VPS39: variants seen among roughly 807,000 people sequenced by gnomAD.
The protein encoded by VPS39 is vam6/Vps39-like protein.
VPS39 carries 70 observed loss-of-function variants against 121.0 expected under a neutral mutation model. That is an observed-to-expected ratio of 0.58 (90% confidence interval 0.48 to 0.71). VPS39 has a LOEUF of 0.71. Among genes scored for constraint, VPS39 ranks in the 30% least tolerant of loss-of-function variants. The pLI, the probability that VPS39 is intolerant of heterozygous loss-of-function variation, is 0.00. For synonymous variants in VPS39, 378 were observed against 398.1 expected, an observed-to-expected ratio of 0.95 and a Z score of 0.60; for missense variants, 818 against 1,051.5, an observed-to-expected ratio of 0.78 and a Z score of 3.07.
chr15:42,208,211 G>A lies in VPS39; in HGVS notation c.-58C>T. 1 of 1,550,148 alleles carries A rather than the reference G, an allele frequency of 6.5e-7. No homozygotes were observed. The highest frequency in any genetic ancestry group is 1.2e-5 in the South Asian group (1 of 84,120). The stretch of plus-strand genomic sequence containing the variant: ...GCCCAGAGTGTTCCGGGCCGGGCTG[G>A]GGTCCGGAACGAGTCTGGGCTAAGG... On this transcript the variant is annotated 5_prime_UTR_variant, in exon 1 of 25. Coordinates refer to ENST00000318006, the MANE Select transcript of VPS39 (RefSeq NM_015289.5).
rs1197896262 is a variant in VPS39, at chr15:42,174,316, T to TA, written c.961-465dup. On this transcript the variant is annotated intron_variant, in intron 10 of 24. Transcript: ENST00000318006. ...TGGTATCCACCTTGCAGCCTGCCCT[T>TA]ACAGTCTAACTGTAAGACTGCTAAG... Among the ~76,000 whole-genome samples, 3 of 152,270 alleles carry TA rather than the reference T, an allele frequency of 2.0e-5. No homozygotes were observed. The South Asian group carries it at 6.2e-4, about 32-fold the overall frequency.
intron 24 of VPS39, chr15:42,161,417 A>T (rs756464666): frequency 3.3e-5 from 18 of 541,040 alleles, no homozygotes; most frequent in Non-Finnish European, 5.7e-5. Context: ...CCACTATATC[A>T]GGTTCTAGCT....
Position 42,175,189 on chromosome 15 carries a change from G to A in VPS39, c.961-1337C>T, listed in dbSNP as rs977356291. Among the ~76,000 whole-genome samples, 43 of 151,952 alleles carry A rather than the reference G, an allele frequency of 2.8e-4. 1 individual carries two copies. Among genetic ancestry groups the A allele is most frequent in the African/African-American group, 1.0e-3 (42 of 41,378 alleles). Reference sequence around the variant, plus strand: ...AGAACTTTGGGAGGCTGAAGCGGGCGGATCATGAGGTCAGGAAAGACCATC... The same window carrying A: ...AGAACTTTGGGAGGCTGAAGCGGGCAGATCATGAGGTCAGGAAAGACCATC... On this transcript the variant is annotated intron_variant, in intron 10 of 24. Coordinates refer to ENST00000318006, the MANE Select transcript of VPS39 (RefSeq NM_015289.5).
intron 10 of VPS39, among the ~76,000 whole-genome samples, chr15:42,177,363 C>T (rs2049475794): frequency 1.3e-5 from 2 of 152,002 alleles, no homozygotes; most frequent in Non-Finnish European, 1.5e-5. Flanking sequence ...AACATTGGAA[C>T]AAGAGGTGGT....
chr15:42,165,417 T>G, intron 17 of VPS39: 1 of 507,022 alleles, frequency 2.0e-6, no homozygotes, highest in Non-Finnish European at 3.5e-6. Context: ...TACTTAAGCC[T>G]ATTTGATTGT....
At chr15:42,201,516 A>C (rs2050068686) in intron 1 of VPS39, among the ~76,000 whole-genome samples, 1 of 152,198 alleles carries the variant, frequency 6.6e-6, no homozygotes, top group African/African-American at 2.4e-5. Flanking sequence ...AGTGGTTCTT[A>C]AACTTTAGTG....
intron 8 of VPS39, among the ~76,000 whole-genome samples, chr15:42,182,429 T>G (rs543926584): frequency 6.6e-6 from 1 of 152,358 alleles, no homozygotes; most frequent in Non-Finnish European, 1.5e-5. Context: ...ATAGAGATGG[T>G]CTGGATCTCT....
At chr15:42,167,799 T>G (rs1045356659) in intron 12 of VPS39, among the ~76,000 whole-genome samples, 2 of 152,138 alleles carry the variant, frequency 1.3e-5, no homozygotes, top group African/African-American at 4.8e-5. Context: ...TTATCCTTAT[T>G]TTACAGGTGA....
rs1311886281 is a variant in VPS39, at chr15:42,203,193, T to G, written c.74-3232A>C. Among the ~76,000 whole-genome samples, 5 of 152,010 alleles carry G rather than the reference T, an allele frequency of 3.3e-5. No individual in the cohort carries two copies. The East Asian group carries it at 9.7e-4, about 29-fold the overall frequency. On this transcript the variant is annotated intron_variant, in intron 1 of 24. Transcript: ENST00000318006. ...TAAAAAATATAAAAATTAGGCCGAGTGTGGTTGGCTCATGCCTGTAATCCC... is the reference window on the plus strand; with the variant it reads ...TAAAAAATATAAAAATTAGGCCGAGGGTGGTTGGCTCATGCCTGTAATCCC...
chr15:42,177,445 G>A (rs530474994), intron 10 of VPS39, among the ~76,000 whole-genome samples: 191 of 152,146 alleles, frequency 1.3e-3, no homozygotes, highest in Middle Eastern at 6.8e-3. Flanking sequence ...CTGCCGCCTG[G>A]CTGAATACAA....
At chr15:42,163,439 A>C (rs2049178909) in intron 20 of VPS39, 44 bp from the exon 21 acceptor site, 1 of 1,611,642 alleles carries the variant, frequency 6.2e-7, no homozygotes, top group Non-Finnish European at 8.5e-7. Flanking sequence ...TGAGGGGGGC[A>C]CATCTAAATG....
intron 17 of VPS39, 103 bp from the exon 18 acceptor site, chr15:42,165,216 ATCCCC>A: frequency 1.8e-6 from 2 of 1,093,728 alleles, no homozygotes; most frequent in African/African-American, 1.5e-5. Context: ...CATCCAGATT[ATCCCC>A]TAATCGGGCT....
chr15:42,164,238 T>G lies in VPS39; in HGVS notation c.2026+120A>C. 5 of 1,458,182 alleles carry G rather than the reference T, an allele frequency of 3.4e-6. No individual in the cohort carries two copies. The South Asian group carries it at 6.7e-5, about 19-fold the overall frequency. The allele number at this position is 1,458,182 out of a possible 1,614,324, so 90.3% of individuals were successfully genotyped here. On this transcript the variant is annotated intron_variant, in intron 19 of 24. Coordinates refer to ENST00000318006, the MANE Select transcript of VPS39 (RefSeq NM_015289.5). Reference sequence around the variant, plus strand: ...AGAGGACAAAACAGGAGCACTGGCCTGAAATGCCTGGTTTTTCCAGGCCCA... The same window carrying G: ...AGAGGACAAAACAGGAGCACTGGCCGGAAATGCCTGGTTTTTCCAGGCCCA...
chr15:42,189,574 C>A (rs1029740774), intron 4 of VPS39, among the ~76,000 whole-genome samples: 1 of 151,606 alleles, frequency 6.6e-6, no homozygotes, highest in Non-Finnish European at 1.5e-5. Flanking sequence ...ACTAAAAATA[C>A]AAAAATCAGC....
intron 7 of VPS39, among the ~76,000 whole-genome samples, chr15:42,186,800 A>C (rs1040299889): frequency 6.6e-6 from 1 of 152,240 alleles, no homozygotes; most frequent in African/African-American, 2.4e-5. Flanking sequence ...TTCTGTAATA[A>C]ACACGTGTAA....
At chr15:42,165,986 G>A (rs2049234351) in intron 16 of VPS39, among the ~76,000 whole-genome samples, 170 bp from the exon 17 acceptor site, 1 of 152,200 alleles carries the variant, frequency 6.6e-6, no homozygotes, top group Non-Finnish European at 1.5e-5. Flanking sequence ...TCATGCCTGT[G>A]TAAGGCTCTC....
At chr15:42,161,483 C>T in intron 24 of VPS39, 199 bp downstream of exon 24, 2 of 709,280 alleles carry the variant, frequency 2.8e-6, no homozygotes, top group East Asian at 5.4e-5. Flanking sequence ...CCATACATTG[C>T]AGGTCTTTAA....
At chr15:42,166,376 G>T in intron 15 of VPS39, 144 bp from the exon 16 acceptor site, 1 of 1,116,818 alleles carries the variant, frequency 9.0e-7, no homozygotes, top group Non-Finnish European at 1.3e-6. Flanking sequence ...AGCCCTACTG[G>T]GCTGGCTCCA....
intron 2 of VPS39, among the ~76,000 whole-genome samples, chr15:42,198,955 G>A (rs2050004642): frequency 6.6e-6 from 1 of 152,204 alleles, no homozygotes; most frequent in Admixed American, 6.5e-5. Context: ...TTACCCTGCT[G>A]CAGAAACTGA....
Sources: allele counts gnomAD v4.1 joint callset (sites outside exome capture counted in the v4.1 genomes callset), GRCh38; gene constraint gnomAD v4.1.1; transcripts MANE v1.5; gene names NCBI Gene and HGNC (gene_info 2026-07-23, HGNC 2026-07-21).